ANXA4: variants seen among roughly 807,000 people sequenced by gnomAD.
The protein encoded by ANXA4 is 35-beta calcimedin.
Under a neutral mutation model 49.8 loss-of-function variants are expected in ANXA4, and 39 were observed. The observed-to-expected ratio is 0.78, with a 90% CI of 0.61 to 1.02. ANXA4 has a LOEUF of 1.02. ANXA4 is among the 50% of genes least tolerant of loss of function. The pLI, the probability that ANXA4 is intolerant of heterozygous loss-of-function variation, is 0.00. For synonymous variants in ANXA4, 134 were observed against 152.5 expected (o/e 0.88, Z 0.89); for missense variants, 360 against 410.1 (o/e 0.88, Z 1.05).
intron 2 of ANXA4, among the ~76,000 whole-genome samples, chr2:69,661,511 C>T (rs568555431): frequency 1.3e-5 from 2 of 152,070 alleles, no homozygotes; most frequent in East Asian, 3.9e-4. Flanking sequence ...GCTGTGATTA[C>T]AGTGAGCTAT....
chr2:69,818,815 A>C, intron 10 of ANXA4, 121 bp downstream of exon 10: 1 of 622,560 alleles, frequency 1.6e-6, no homozygotes, highest in Non-Finnish European at 2.8e-6. Context: ...TGAATCACTC[A>C]TGTTACATTC....
intron 1 of ANXA4, among the ~76,000 whole-genome samples, chr2:69,647,992 A>T (rs981614023): frequency 2.0e-5 from 3 of 152,200 alleles, no homozygotes; most frequent in Non-Finnish European, 4.4e-5. Context: ...GCAGATGAAC[A>T]TGTATGGTTT....
At chr2:69,784,468 A>G (rs1452945795) in intron 2 of ANXA4, among the ~76,000 whole-genome samples, 1 of 152,262 alleles carries the variant, frequency 6.6e-6, no homozygotes, top group Non-Finnish European at 1.5e-5. Context: ...CATTCAACTC[A>G]GAAAGCTGTC....
chr2:69,702,990 C>T (rs1316355147), intron 2 of ANXA4, among the ~76,000 whole-genome samples: 3 of 152,082 alleles, frequency 2.0e-5, no homozygotes, highest in Non-Finnish European at 4.4e-5. Flanking sequence ...TACTCAAAAA[C>T]CATTCATTAA....
At chr2:69,656,429 G>GTA (rs1372447075) in intron 2 of ANXA4, among the ~76,000 whole-genome samples, 72 of 140,680 alleles carry the variant, frequency 5.1e-4, no homozygotes, top group Admixed American at 8.1e-4. Flanking sequence ...ATATGTGTGT[G>GTA]TATATATATA....
chr2:69,773,761 A>C (rs1206645223), intron 1 of ANXA4, among the ~76,000 whole-genome samples: 1 of 150,260 alleles, frequency 6.7e-6, no homozygotes, highest in African/African-American at 2.5e-5. Flanking sequence ...CCTCCCGAGT[A>C]TCTGGGATTA....
At chr2:69,691,784 C>T (rs530704043) in intron 2 of ANXA4, among the ~76,000 whole-genome samples, 1 of 152,212 alleles carries the variant, frequency 6.6e-6, no homozygotes, top group Non-Finnish European at 1.5e-5. Context: ...AAGCAGCTGG[C>T]AGGACTAGAG....
intron 1 of ANXA4, among the ~76,000 whole-genome samples, chr2:69,750,509 C>T (rs185482086): frequency 2.0e-5 from 3 of 152,324 alleles, no homozygotes; most frequent in East Asian, 1.9e-4. Flanking sequence ...AACTCCTGGG[C>T]GCAGGTGACC....
At chr2:69,691,265 A>G (rs1384784740) in intron 2 of ANXA4, among the ~76,000 whole-genome samples, 2 of 152,000 alleles carry the variant, frequency 1.3e-5, no homozygotes, top group East Asian at 3.9e-4. Flanking sequence ...CTGAGATTAC[A>G]GGCGCCCACT....
intron 2 of ANXA4, among the ~76,000 whole-genome samples, chr2:69,689,962 C>A (rs924573889): frequency 1.3e-5 from 2 of 151,996 alleles, no homozygotes; most frequent in South Asian, 2.1e-4. Context: ...ATATCAAATT[C>A]TCTCTTTTTA....
At chr2:69,766,736 C>T (rs1671508450) in intron 1 of ANXA4, among the ~76,000 whole-genome samples, 1 of 152,182 alleles carries the variant, frequency 6.6e-6, no homozygotes, top group Non-Finnish European at 1.5e-5. Context: ...ACAGTGCCAG[C>T]ACCTTCCAGA....
At chr2:69,739,356 C>T (rs1670324796), upstream of ANXA4, among the ~76,000 whole-genome samples, 1 of 151,736 alleles carries the variant, frequency 6.6e-6, no homozygotes, top group Admixed American at 6.6e-5. Flanking sequence ...TTTTTCCTCT[C>T]TTGTTCCCTT....
At chr2:69,769,451 A>ATTT (rs1303977213) in intron 1 of ANXA4, among the ~76,000 whole-genome samples, 1 of 152,190 alleles carries the variant, frequency 6.6e-6, no homozygotes, top group Admixed American at 6.5e-5. Flanking sequence ...AAATTACACA[A>ATTT]CTTTTCTCAG....
At chr2:69,760,443 C>G (rs2105522085) in intron 1 of ANXA4, among the ~76,000 whole-genome samples, 1 of 152,278 alleles carries the variant, frequency 6.6e-6, no homozygotes, top group African/African-American at 2.4e-5. Flanking sequence ...AATCTGTAGT[C>G]TCAAAGGATT....
chr2:69,646,569 A>G (rs1676015128), intron 1 of ANXA4, among the ~76,000 whole-genome samples: 1 of 152,220 alleles, frequency 6.6e-6, no homozygotes, highest in Non-Finnish European at 1.5e-5. Context: ...TGGGAAAAGA[A>G]AGTGCCATTT....
chr2:69,745,889 A>C (rs1313539182), intron 1 of ANXA4, among the ~76,000 whole-genome samples: 1 of 152,114 alleles, frequency 6.6e-6, no homozygotes, highest in Non-Finnish European at 1.5e-5. Flanking sequence ...AAATTGAATA[A>C]AGCATTAATA....
intron 2 of ANXA4, among the ~76,000 whole-genome samples, chr2:69,675,080 G>T (rs897945648): frequency 9.2e-5 from 14 of 152,026 alleles, no homozygotes; most frequent in African/African-American, 2.9e-4. Flanking sequence ...CTGTCACCAT[G>T]CCCGGCTAAT....
At chr2:69,745,273 C>A (rs1670564448) in intron 1 of ANXA4, among the ~76,000 whole-genome samples, 1 of 152,114 alleles carries the variant, frequency 6.6e-6, no homozygotes, top group Non-Finnish European at 1.5e-5. Context: ...GTTTTTAAAA[C>A]CCATAGGCTG....
chr2:69,750,614 A>G (rs565313465), intron 1 of ANXA4, among the ~76,000 whole-genome samples: 58 of 152,282 alleles, frequency 3.8e-4, no homozygotes, highest in African/African-American at 1.3e-3. Context: ...GAGTTTTACC[A>G]CGTTTCCCAG....
Sources: gnomAD v4.1 joint callset for allele counts (sites outside exome capture counted in the v4.1 genomes callset) on GRCh38, gnomAD v4.1.1 for gene constraint, MANE v1.5 for transcripts, NCBI Gene and HGNC (gene_info 2026-07-23, HGNC 2026-07-21) for gene names.